ABCG1: variants seen among roughly 807,000 people sequenced by gnomAD.
ABCG1 encodes the protein ATP binding cassette subfamily G member 1.
A neutral mutation model predicts 69.2 loss-of-function variants in ABCG1; 29 were observed. The ratio of observed to expected loss-of-function variants is 0.42; its 90% CI spans 0.31 to 0.57. The LOEUF (loss-of-function observed/expected upper bound fraction) is 0.57. Ranked by LOEUF, ABCG1 falls within the 20% of genes least tolerant of loss-of-function variation. The pLI, the probability that ABCG1 is intolerant of heterozygous loss-of-function variation, is 0.15. For synonymous variants in ABCG1, 370 were observed against 374.8 expected, an observed-to-expected ratio of 0.99 and a Z score of 0.15; for missense variants, 718 against 898.1, an observed-to-expected ratio of 0.80 and a Z score of 2.56.
chr21:42,205,054 TG>T (rs1440144491), intron 2 of ABCG1, among the ~76,000 whole-genome samples: 3 of 151,574 alleles, frequency 2.0e-5, no homozygotes, highest in Non-Finnish European at 2.9e-5. Context: ...CTAAATTCAA[TG>T]TTCTTAATAG....
chr21:42,225,524 A>C, intron 1 of ABCG1, 147 bp from the exon 2 acceptor site: 1 of 1,021,188 alleles, frequency 9.8e-7, no homozygotes, highest in Non-Finnish European at 1.4e-6. Flanking sequence ...AGGTGGGCAC[A>C]TTTCTCCTGG....
At position 42,276,003 on chromosome 21, in the gene ABCG1, C is replaced by A. The variant is rs1363925555; in HGVS notation, c.538-892C>A. Among the ~76,000 whole-genome samples the A allele has an allele frequency of 6.9e-6, 1 of 145,520 alleles. No homozygotes were observed. The highest frequency in any genetic ancestry group is 2.5e-4 in the South Asian group (1 of 3,998). On this transcript the variant is annotated intron_variant, in intron 4 of 14. Transcript: ENST00000398449. The surrounding 1 kb of genome is among the most constrained non-coding windows in gnomAD (Gnocchi z 5.3). ...CCTCTTTGCCCCACACCCCGCCCCC[C>A]TCCCCGCCACCGCCCTGCATCTCAC...
At chr21:42,216,279 A>G (rs1601337771), upstream of ABCG1, 1 of 344,560 alleles carries the variant, frequency 2.9e-6, no homozygotes, top group East Asian at 9.8e-5. Flanking sequence ...ACAGACAGGA[A>G]GTGGCTCCCC....
chr21:42,285,538 T>A (rs183425371), intron 7 of ABCG1, among the ~76,000 whole-genome samples: 1 of 151,494 alleles, frequency 6.6e-6, no homozygotes, highest in Non-Finnish European at 1.5e-5. Context: ...ACAAAAAAAC[T>A]TAGGTTTTGA....
intron 2 of ABCG1, among the ~76,000 whole-genome samples, chr21:42,227,868 C>G (rs756899943): frequency 2.1e-4 from 32 of 151,526 alleles, no homozygotes; most frequent in African/African-American, 3.6e-4. Flanking sequence ...ATAAAAGAAC[C>G]CACACACATT....
At chr21:42,218,148 A>G (rs2067663038), upstream of ABCG1, among the ~76,000 whole-genome samples, 1 of 152,120 alleles carries the variant, frequency 6.6e-6, no homozygotes, top group Non-Finnish European at 1.5e-5. Flanking sequence ...AGGTGAGGAG[A>G]AAGAGAGAGA....
At chr21:42,225,418 T>C (rs185295532) in intron 1 of ABCG1, among the ~76,000 whole-genome samples, 1 of 152,338 alleles carries the variant, frequency 6.6e-6, no homozygotes, top group Non-Finnish European at 1.5e-5. Flanking sequence ...ATGATTAGAT[T>C]TTATGATTCC....
chr21:42,294,582 T>A lies in ABCG1; in HGVS notation c.1694T>A (p.Leu565His). Residue 565 changes from leucine (L) to histidine (H), a missense_variant, in exon 14 of 15, where the codon CTC (leucine) becomes CAC (histidine). Leu to His is a moderately conservative substitution (Grantham distance 99). This residue lies in a region of ABCG1 where 204 missense variants were observed against 323.8 expected (regional missense o/e 0.63). Coordinates refer to ENST00000398449, the MANE Select transcript of ABCG1 (RefSeq NM_016818.3). ...FVGPVTAIPV[L>H]LFSGFFVSFD... Reference sequence around the variant, plus strand: ...GGCCCAGTGACAGCCATCCCGGTGCTCCTGTTCTCGGGGTTCTTCGTCAGC... The same window carrying A: ...GGCCCAGTGACAGCCATCCCGGTGCACCTGTTCTCGGGGTTCTTCGTCAGC... The A allele has an allele frequency of 1.2e-6, 2 of 1,614,110 alleles. No homozygotes were observed. Among genetic ancestry groups the A allele is most frequent in the South Asian group, 2.2e-5 (2 of 91,070 alleles).
intron 4 of ABCG1, among the ~76,000 whole-genome samples, chr21:42,274,942 C>T (rs997817045): frequency 1.3e-5 from 2 of 152,186 alleles, no homozygotes; most frequent in African/African-American, 2.4e-5. Flanking sequence ...GTTTATATTT[C>T]TGCTTCCTCC....
chr21:42,262,340 G>T lies in ABCG1; in HGVS notation c.287-8730G>T, dbSNP rs1022394697. ...TTGTGGAATGAAAAATAAATTGAAA[G>T]GTAAAGGTCAGTTGCACAAGTGAAG... On this transcript the variant is annotated intron_variant, in intron 2 of 14. Coordinates refer to ENST00000398449, the MANE Select transcript of ABCG1 (RefSeq NM_016818.3). 2.0e-5 allele frequency among the ~76,000 whole-genome samples: 3 copies of T among 152,138 alleles called. No homozygotes were observed. In the East Asian group the frequency reaches 5.8e-4, roughly 29 times the overall value.
rs938574360 is a variant in ABCG1, at chr21:42,219,378, C to T, written c.42+74C>T. 14 of 1,546,666 alleles carry T rather than the reference C, an allele frequency of 9.1e-6. No individual in the cohort carries two copies. The highest frequency in any genetic ancestry group is 1.2e-5 in the Non-Finnish European group (14 of 1,151,186). ...AGAGCAGGAAACACACAAAGACTCGCAAGCTCGACCTGACACCCCTCCCAG... is the reference window on the plus strand; with the variant it reads ...AGAGCAGGAAACACACAAAGACTCGTAAGCTCGACCTGACACCCCTCCCAG... On this transcript the variant is annotated intron_variant, in intron 1 of 14. Coordinates refer to ENST00000398449, the MANE Select transcript of ABCG1 (RefSeq NM_016818.3). The surrounding 1 kb of genome is among the most constrained non-coding windows in gnomAD (Gnocchi z 5.3).
intron 2 of ABCG1, among the ~76,000 whole-genome samples, chr21:42,258,037 TCCCTC>T (rs2068336481): frequency 1.1e-5 from 1 of 87,070 alleles, no homozygotes; most frequent in African/African-American, 5.5e-5. Context: ...TCTCCATCCA[TCCCTC>T]CACTCATCCC....
rs58099499 is a variant in ABCG1, at chr21:42,248,747, TA to T, written c.287-22312del. Among the ~76,000 whole-genome samples, 486 of 144,342 alleles carry T rather than the reference TA, an allele frequency of 3.4e-3. 3 individuals carry two copies. The highest frequency in any genetic ancestry group is 0.011 in the African/African-American group (421 of 39,676). The allele number at this position is 144,342 out of a possible 152,430, so 94.7% of individuals were successfully genotyped here. A position where few individuals can be genotyped will look rare whatever the true frequency, so the allele number is the denominator to read the frequency against. ...TGCAAAATAAAAAAATTTAAAAAAT[TA>T]AAAAAAAAAACACCTGGGCATGGTG... is the stretch of plus-strand genomic sequence containing the variant. On this transcript the variant is annotated intron_variant, in intron 2 of 14. Coordinates refer to ENST00000398449, the MANE Select transcript of ABCG1 (RefSeq NM_016818.3).
intron 1 of ABCG1, among the ~76,000 whole-genome samples, chr21:42,220,399 A>G (rs1171231397): frequency 6.6e-6 from 1 of 151,310 alleles, no homozygotes; most frequent in Non-Finnish European, 1.5e-5. Context: ...ACCGACAGTT[A>G]CCTCTTGCCT....
At chr21:42,294,348 C>T (rs1276290646) in intron 13 of ABCG1, among the ~76,000 whole-genome samples, 194 bp from the exon 14 acceptor site, 1 of 152,204 alleles carries the variant, frequency 6.6e-6, no homozygotes, top group Non-Finnish European at 1.5e-5. Context: ...CACAGCAGGG[C>T]AGCCGGGGGG....
At chr21:42,265,241 C>T (rs1411524796) in intron 2 of ABCG1, among the ~76,000 whole-genome samples, 1 of 152,210 alleles carries the variant, frequency 6.6e-6, no homozygotes, top group Non-Finnish European at 1.5e-5. Flanking sequence ...GCAGCAGCCC[C>T]GGGTGACGCT....
intron 2 of ABCG1, among the ~76,000 whole-genome samples, chr21:42,252,535 C>G (rs1223360565): frequency 6.6e-6 from 1 of 152,050 alleles, no homozygotes; most frequent in South Asian, 2.1e-4. Context: ...TTTCGTTGTC[C>G]TGTTTGAGAC....
At position 42,230,160 on chromosome 21, in the gene ABCG1, G is replaced by A. The variant is rs3827224; in HGVS notation, c.286+4246G>A. On this transcript the variant is annotated intron_variant, in intron 2 of 14. Transcript: ENST00000398449. ...CTTTTGAGCTTGACAGTTACTAAGC[G>A]TTGAATATGGCATTTTAACAAAACA... Among the ~76,000 whole-genome samples the A allele has an allele frequency of 3.0e-4, 46 of 152,298 alleles. No homozygotes were observed. The East Asian group carries it at 6.0e-3, about 20-fold the overall frequency.
chr21:42,204,583 TA>T (rs2123463073), intron 2 of ABCG1, among the ~76,000 whole-genome samples: 1 of 152,350 alleles, frequency 6.6e-6, no homozygotes, highest in African/African-American at 2.4e-5. Context: ...GTCTCTGGAA[TA>T]AACCCAACTT....
Sources: gnomAD v4.1 joint callset for allele counts (sites outside exome capture counted in the v4.1 genomes callset) on GRCh38, gnomAD v4.1.1 for gene constraint, gnomAD v4.1.1 regional missense constraint, Gnocchi (gnomAD v3.1) non-coding constraint, MANE v1.5 for transcripts, NCBI Gene and HGNC (gene_info 2026-07-23, HGNC 2026-07-21) for gene names.